Variants in KCNN3 observed in about 807,000 individuals in gnomAD.
KCNN3 encodes small conductance calcium-activated potassium channel protein 3.
A neutral mutation model predicts 62.9 loss-of-function variants in KCNN3; 16 were observed. The ratio of observed to expected loss-of-function variants is 0.25; its 90% confidence interval spans 0.17 to 0.39. The LOEUF (loss-of-function observed/expected upper bound fraction) is 0.39, where lower values mean the gene tolerates loss of function less well. Ranked by LOEUF, KCNN3 falls within the 10% of genes least tolerant of loss-of-function variation. The pLI, the probability that KCNN3 is intolerant of heterozygous loss-of-function variation, is 1.00. For missense variants in KCNN3, 599 were observed against 949.4 expected (o/e 0.63, Z 4.85); for synonymous variants, 370 against 389.2 (o/e 0.95, Z 0.58).
chr1:154,715,738 C>T (rs1398126534), intron 5 of KCNN3, among the ~76,000 whole-genome samples: 1 of 152,150 alleles, frequency 6.6e-6, no homozygotes, highest in South Asian at 2.1e-4. Context: ...AAATAGCTAG[C>T]GATATACCAT....
chr1:154,708,116 G>A lies in KCNN3; in HGVS notation c.2056C>T (p.Gln686Ter). 1 of 1,613,878 alleles carries A rather than the reference G, an allele frequency of 6.2e-7. No homozygotes were observed. The highest frequency in any genetic ancestry group is 8.5e-7 in the Non-Finnish European group (1 of 1,180,016). Residue 686 changes from glutamine (Q) to a stop codon, truncating the protein, a stop_gained, in exon 8 of 8, where the codon CAG becomes TAG. Coordinates refer to ENST00000271915, the MANE Select transcript of KCNN3 (RefSeq NM_002249.6). LOFTEE classifies it high-confidence loss of function. ...LIADTLRQQQ[Q>*]QLLSAIIEAR... ...TCGATGATGGCAGACAGGAGCTGCT[G>A]CTGCTGCTGGCGCAGGGTGTCGGCG...
At chr1:154,828,708 A>G (rs912411103) in intron 1 of KCNN3, among the ~76,000 whole-genome samples, 7 of 152,336 alleles carry the variant, frequency 4.6e-5, no homozygotes, top group African/African-American at 1.7e-4. Flanking sequence ...GAAAAATCTC[A>G]TTCTGTTTTC....
At chr1:154,793,592 T>TA (rs1377296230) in intron 2 of KCNN3, among the ~76,000 whole-genome samples, 1 of 152,226 alleles carries the variant, frequency 6.6e-6, no homozygotes, top group African/African-American at 2.4e-5. Flanking sequence ...TTTCAATTTT[T>TA]AAAAACTCCA....
chr1:154,827,066 A>C (rs1571315371), intron 1 of KCNN3, among the ~76,000 whole-genome samples: 1 of 152,310 alleles, frequency 6.6e-6, no homozygotes, highest in East Asian at 1.9e-4. Context: ...TGAAGTTCAT[A>C]ATTTCTGAAT....
chr1:154,843,595 C>T (rs749495595), intron 1 of KCNN3, among the ~76,000 whole-genome samples: 12 of 152,088 alleles, frequency 7.9e-5, no homozygotes, highest in Admixed American at 2.6e-4. Context: ...CCAAGGTTAG[C>T]GAGTATGCAG....
intron 1 of KCNN3, 40 bp from the exon 2 acceptor site, chr1:154,822,224 G>A: frequency 2.1e-6 from 3 of 1,419,666 alleles, no homozygotes; most frequent in Non-Finnish European, 3.0e-6. Context: ...GGAGTGCGGG[G>A]AAAGGAGCGT....
chr1:154,856,060 A>T (rs1052189858), intron 1 of KCNN3, among the ~76,000 whole-genome samples: 1 of 152,160 alleles, frequency 6.6e-6, no homozygotes, highest in African/African-American at 2.4e-5. Context: ...CTCGGGGAAA[A>T]GTACATTTCT....
chr1:154,829,028 C>A (rs1348317260), intron 1 of KCNN3, among the ~76,000 whole-genome samples: 1 of 152,248 alleles, frequency 6.6e-6, no homozygotes, highest in Non-Finnish European at 1.5e-5. Flanking sequence ...CCGCTCCAAC[C>A]CCAACCTGCT....
chr1:154,846,647 T>G (rs1259670466), intron 1 of KCNN3, among the ~76,000 whole-genome samples: 4 of 152,186 alleles, frequency 2.6e-5, no homozygotes, highest in Non-Finnish European at 5.9e-5. Flanking sequence ...ATTGGGTGTC[T>G]GCAGCCAGTT....
intron 1 of KCNN3, among the ~76,000 whole-genome samples, chr1:154,844,465 C>T (rs371253441): frequency 5.9e-5 from 9 of 152,308 alleles, no homozygotes; most frequent in East Asian, 3.9e-4. Flanking sequence ...CCGGGCATCG[C>T]GCCGGTCACA....
intron 1 of KCNN3, among the ~76,000 whole-genome samples, chr1:154,834,236 G>A (rs952205251): frequency 3.9e-5 from 6 of 152,186 alleles, no homozygotes; most frequent in Non-Finnish European, 1.5e-5. Context: ...GGCACGACAC[G>A]AGCCCCACTG....
At position 154,803,833 on chromosome 1, in the gene KCNN3, G is replaced by A. The variant is rs116656297; in HGVS notation, c.1029+18256C>T. 4.8e-3 allele frequency among the ~76,000 whole-genome samples: 731 copies of A among 152,314 alleles called. 3 individuals carry two copies. Among genetic ancestry groups the A allele is most frequent in the South Asian group, 0.014 (68 of 4,828 alleles). ...GGACAGGAAGGAGGCATCTGCCCAG[G>A]CAGCAACCATTCTCTCTACAGAGCC... is the stretch of plus-strand genomic sequence containing the variant. On this transcript the variant is annotated intron_variant, in intron 2 of 7. Transcript: ENST00000271915.
intron 1 of KCNN3, chr1:154,859,589 A>G: frequency 9.2e-7 from 1 of 1,091,476 alleles, no homozygotes; most frequent in Middle Eastern, 2.0e-4. Context: ...GGGCCCCCTC[A>G]GCTCAAAGCC....
intron 4 of KCNN3, among the ~76,000 whole-genome samples, chr1:154,729,743 G>A (rs910806010): frequency 2.0e-5 from 3 of 152,132 alleles, no homozygotes; most frequent in Admixed American, 6.5e-5. Context: ...AAGGTGTTTC[G>A]GGAGAAGCTC....
chr1:154,793,460 C>G (rs1283361501), intron 2 of KCNN3, among the ~76,000 whole-genome samples: 1 of 152,200 alleles, frequency 6.6e-6, no homozygotes, highest in Non-Finnish European at 1.5e-5. Context: ...AGCCTAGAGA[C>G]AAAGCCACCA....
At chr1:154,848,765 C>T (rs1235895242) in intron 1 of KCNN3, among the ~76,000 whole-genome samples, 1 of 152,186 alleles carries the variant, frequency 6.6e-6, no homozygotes, top group African/African-American at 2.4e-5. Flanking sequence ...CAGCTCAACC[C>T]CTACTTCTTC....
At chr1:154,732,525 T>C (rs953978091) in intron 4 of KCNN3, among the ~76,000 whole-genome samples, 2 of 152,104 alleles carry the variant, frequency 1.3e-5, no homozygotes, top group African/African-American at 4.8e-5. Flanking sequence ...AGGACTCAGG[T>C]CCCAAAGGCC....
At chr1:154,796,091 C>T (rs1411818019) in intron 2 of KCNN3, among the ~76,000 whole-genome samples, 1 of 152,196 alleles carries the variant, frequency 6.6e-6, no homozygotes, top group African/African-American at 2.4e-5. Flanking sequence ...AAGTTAGAGG[C>T]TTCCCTAACA....
chr1:154,810,281 C>T (rs1445531495), intron 2 of KCNN3, among the ~76,000 whole-genome samples: 1 of 152,130 alleles, frequency 6.6e-6, no homozygotes, highest in East Asian at 1.9e-4. Flanking sequence ...TCAGCCCAGG[C>T]AGATGATGGC....
Sources: allele counts gnomAD v4.1 joint callset (sites outside exome capture counted in the v4.1 genomes callset), GRCh38; gene constraint gnomAD v4.1.1; transcripts MANE v1.5; gene names NCBI Gene and HGNC (gene_info 2026-07-23, HGNC 2026-07-21).